FGF14: variants seen among roughly 807,000 people sequenced by gnomAD.
The protein encoded by FGF14 is fibroblast growth factor 14.
Under a neutral mutation model 25.5 loss-of-function variants are expected in FGF14, and 5 were observed. The ratio of observed to expected loss-of-function variants is 0.20; its 90% confidence interval spans 0.10 to 0.41. The LOEUF (loss-of-function observed/expected upper bound fraction) is 0.41. Among genes scored for constraint, FGF14 ranks in the 10% least tolerant of loss-of-function variants. The pLI, the probability that FGF14 is intolerant of heterozygous loss-of-function variation, is 1.00. For synonymous variants in FGF14, 138 were observed against 118.3 expected, an observed-to-expected ratio of 1.17 and a Z score of -1.08; for missense variants, 222 against 320.1, an observed-to-expected ratio of 0.69 and a Z score of 2.34.
intron 3 of FGF14, among the ~76,000 whole-genome samples, chr13:101,733,608 AAAAAG>A (rs1409863328): frequency 1.5e-5 from 2 of 130,782 alleles, no homozygotes; most frequent in African/African-American, 2.8e-5. Flanking sequence ...AAAAAAAAAA[AAAAAG>A]AGAGAGAGGA....
chr13:102,118,795 A>C (rs1386740531), intron 1 of FGF14, among the ~76,000 whole-genome samples: 1 of 152,206 alleles, frequency 6.6e-6, no homozygotes, highest in Non-Finnish European at 1.5e-5. Flanking sequence ...TTTGTTTACA[A>C]AGCATAAATA....
intron 1 of FGF14, among the ~76,000 whole-genome samples, chr13:102,034,584 G>T (rs1408837954): frequency 1.3e-5 from 2 of 152,100 alleles, no homozygotes; most frequent in Non-Finnish European, 2.9e-5. Context: ...CAAAACATCA[G>T]TCACCAAGGT....
At chr13:101,925,950 A>ATG (rs1373032074) in intron 1 of FGF14, among the ~76,000 whole-genome samples, 1 of 152,096 alleles carries the variant, frequency 6.6e-6, no homozygotes, top group African/African-American at 2.4e-5. Context: ...CTCACAGACC[A>ATG]TGTCTTGCAT....
chr13:102,147,588 T>A (rs888758653), intron 1 of FGF14, among the ~76,000 whole-genome samples: 3 of 152,170 alleles, frequency 2.0e-5, no homozygotes, highest in South Asian at 4.1e-4. Flanking sequence ...TTAAAAGCCA[T>A]CTCTCTTGTA....
upstream of FGF14, among the ~76,000 whole-genome samples, chr13:101,917,010 C>T (rs959182966): frequency 6.6e-6 from 1 of 151,718 alleles, no homozygotes; most frequent in Non-Finnish European, 1.5e-5. Context: ...ACTCGCGCTG[C>T]CTTCTCGCCC....
chr13:102,130,016 T>C (rs112600932), intron 1 of FGF14, among the ~76,000 whole-genome samples: 68 of 152,282 alleles, frequency 4.5e-4, no homozygotes, highest in African/African-American at 1.6e-3. Flanking sequence ...AAATTTATTA[T>C]CTTACAGTTC....
chr13:102,347,579 C>T (rs2057148273), intron 1 of FGF14, among the ~76,000 whole-genome samples: 3 of 152,130 alleles, frequency 2.0e-5, no homozygotes. Flanking sequence ...ATCAATGAAG[C>T]CCTCTCGCAC....
At chr13:102,074,201 A>G (rs576557002) in intron 1 of FGF14, among the ~76,000 whole-genome samples, 1 of 152,094 alleles carries the variant, frequency 6.6e-6, no homozygotes, top group African/African-American at 2.4e-5. Flanking sequence ...TTTTGTAGAG[A>G]TGGGGTCTCA....
At chr13:101,889,769 A>AT (rs2046178189) in intron 1 of FGF14, among the ~76,000 whole-genome samples, 1 of 152,216 alleles carries the variant, frequency 6.6e-6, no homozygotes. Context: ...AACGTGCATC[A>AT]TCTGCTTAGT....
intron 1 of FGF14, among the ~76,000 whole-genome samples, chr13:102,182,957 G>T (rs2048735357): frequency 6.6e-6 from 1 of 152,138 alleles, no homozygotes; most frequent in South Asian, 2.1e-4. Context: ...GACAGCAAGT[G>T]CATGTTAAGT....
chr13:102,325,421 T>C (rs929645509), intron 1 of FGF14, among the ~76,000 whole-genome samples: 10 of 152,286 alleles, frequency 6.6e-5, no homozygotes, highest in African/African-American at 2.4e-4. Flanking sequence ...TACTTCCTTT[T>C]CATGATCATT....
At chr13:101,947,641 C>T (rs186855285) in intron 1 of FGF14, among the ~76,000 whole-genome samples, 357 of 152,258 alleles carry the variant, frequency 2.3e-3, no homozygotes, top group Middle Eastern at 6.8e-3. Context: ...CCATTGAGTA[C>T]ACATGGGCAA....
intron 1 of FGF14, among the ~76,000 whole-genome samples, chr13:102,020,706 A>G (rs1286794838): frequency 1.3e-5 from 2 of 152,062 alleles, no homozygotes; most frequent in South Asian, 2.1e-4. Flanking sequence ...ACAAATTAAC[A>G]TTTTCCCAGT....
intron 1 of FGF14, chr13:102,045,995 A>T (rs1053323453): frequency 1.3e-5 from 2 of 154,306 alleles, no homozygotes; most frequent in Non-Finnish European, 2.9e-5. Context: ...CAAGTGATTG[A>T]TCTTGTGAGG....
intron 1 of FGF14, among the ~76,000 whole-genome samples, chr13:102,204,608 G>A (rs2049821191): frequency 6.6e-6 from 1 of 152,170 alleles, no homozygotes; most frequent in East Asian, 1.9e-4. Context: ...GTGCAGTGGT[G>A]CGGTCGTGGC....
At chr13:102,376,349 CTG>C (rs2058040075) in intron 1 of FGF14, among the ~76,000 whole-genome samples, 1 of 152,206 alleles carries the variant, frequency 6.6e-6, no homozygotes, top group South Asian at 2.1e-4. Flanking sequence ...CCATGTGGAA[CTG>C]TGAGTCAATT....
At chr13:102,325,632 C>T (rs979816610) in intron 1 of FGF14, among the ~76,000 whole-genome samples, 1 of 152,178 alleles carries the variant, frequency 6.6e-6, no homozygotes, top group African/African-American at 2.4e-5. Context: ...TTTAAAATTT[C>T]AATTTGCAAC....
At chr13:101,955,909 A>C (rs1292558938) in intron 1 of FGF14, among the ~76,000 whole-genome samples, 1 of 152,230 alleles carries the variant, frequency 6.6e-6, no homozygotes, top group Non-Finnish European at 1.5e-5. Flanking sequence ...TACATAAACC[A>C]AAGACAATTG....
intron 4 of FGF14, among the ~76,000 whole-genome samples, chr13:101,724,632 A>ATATATATATATT (rs2035268049): frequency 7.5e-6 from 1 of 133,440 alleles, no homozygotes; most frequent in Non-Finnish European, 1.6e-5. Context: ...ATATATATAT[A>ATATATATATATT]AAACAAAGAT....
Sources: gnomAD v4.1 joint callset for allele counts (sites outside exome capture counted in the v4.1 genomes callset) on GRCh38, gnomAD v4.1.1 for gene constraint, MANE v1.5 for transcripts, NCBI Gene and HGNC (gene_info 2026-07-23, HGNC 2026-07-21) for gene names.